USP18: variants seen among roughly 807,000 people sequenced by gnomAD.
The protein encoded by USP18 is ubl carboxyl-terminal hydrolase 18.
A neutral mutation model predicts 48.7 loss-of-function variants in USP18; 11 were observed. That is an observed-to-expected ratio of 0.23 (90% CI 0.14 to 0.37). The LOEUF (loss-of-function observed/expected upper bound fraction) is 0.37, where lower values mean the gene tolerates loss of function less well. Ranked by LOEUF, USP18 falls within the 10% of genes least tolerant of loss-of-function variation. The probability of loss-of-function intolerance (pLI) is 1.00; values close to 1 mark genes in which losing one functional copy is unlikely to be tolerated. For synonymous variants in USP18, 114 were observed against 163.2 expected (o/e 0.70, Z 2.30); for missense variants, 285 against 436.4 (o/e 0.65, Z 3.09).
chr22:18,168,729 G>A (rs1455969432), intron 6 of USP18, among the ~76,000 whole-genome samples: 1 of 151,978 alleles, frequency 6.6e-6, no homozygotes, highest in African/African-American at 2.4e-5. Flanking sequence ...CAGCCACACT[G>A]GGGATTCAGT....
At chr22:18,156,730 A>C (rs775121088) in intron 1 of USP18, among the ~76,000 whole-genome samples, 3 of 152,200 alleles carry the variant, frequency 2.0e-5, no homozygotes, top group Non-Finnish European at 2.9e-5. Flanking sequence ...ACCCACCAGA[A>C]GGAAGAAACT....
chr22:18,167,721 A>G (rs1280448856), intron 5 of USP18, among the ~76,000 whole-genome samples, 169 bp from the exon 6 acceptor site: 2 of 151,736 alleles, frequency 1.3e-5, no homozygotes, highest in Non-Finnish European at 2.9e-5. Context: ...AAAAAAAGAA[A>G]AAAGAGTTAA....
chr22:18,164,726 G>A (rs1287823807), intron 4 of USP18, among the ~76,000 whole-genome samples: 2 of 152,160 alleles, frequency 1.3e-5, no homozygotes, highest in Non-Finnish European at 2.9e-5. Context: ...TCACGTGCCC[G>A]TTTAAAACTG....
chr22:18,157,661 C>T lies in USP18; in HGVS notation c.-3C>T. 6.2e-7 allele frequency: 1 copy of T among 1,614,014 alleles called. No individual in the cohort carries two copies. The highest frequency in any genetic ancestry group is 8.5e-7 in the Non-Finnish European group (1 of 1,179,968). ...CGGCCTGGGGGTTTTGGAGTGATCACGAATGAGCAAGGCGTTTGGGCTCCT... is the reference window on the plus strand; with the variant it reads ...CGGCCTGGGGGTTTTGGAGTGATCATGAATGAGCAAGGCGTTTGGGCTCCT... On this transcript the variant is annotated 5_prime_UTR_variant, in exon 2 of 11. It adds an upstream start codon to the 5' untranslated region. Coordinates refer to ENST00000215794, the MANE Select transcript of USP18 (RefSeq NM_017414.4).
intron 1 of USP18, among the ~76,000 whole-genome samples, chr22:18,155,974 A>G (rs1351675491): frequency 6.6e-6 from 1 of 152,238 alleles, no homozygotes; most frequent in African/African-American, 2.4e-5. Flanking sequence ...GACTTGGAGA[A>G]TCTTTATGTC....
At chr22:18,168,065 C>A (rs767806273) in intron 6 of USP18, 29 bp downstream of exon 6, 8 of 1,612,274 alleles carry the variant, frequency 5.0e-6, no homozygotes, top group East Asian at 4.5e-5. Flanking sequence ...TATTTGCTGC[C>A]CCTGTATGTG....
At chr22:18,156,128 T>C (rs1008939350) in intron 1 of USP18, among the ~76,000 whole-genome samples, 19 of 152,198 alleles carry the variant, frequency 1.2e-4, no homozygotes, top group Admixed American at 9.8e-4. Flanking sequence ...GGTGGGGACT[T>C]GGAGAACCTT....
Position 18,160,188 on chromosome 22 carries a change from C to G in USP18, c.174C>G (p.His58Gln). Residue 58 changes from histidine to glutamine, a missense_variant, in exon 3 of 11, where the codon CAC becomes CAG. Transcript: ENST00000215794. Reference sequence around the variant, plus strand: ...CCCTTATAGGCCTGGTTGGTTTACACAACATTGGACAGACCTGCTGCCTTA... The same window carrying G: ...CCCTTATAGGCCTGGTTGGTTTACAGAACATTGGACAGACCTGCTGCCTTA... ...WDYPHGLVGL[H>Q]NIGQTCCLNS... 1.2e-6 allele frequency: 2 copies of G among 1,614,148 alleles called. No individual in the cohort carries two copies. Among genetic ancestry groups the G allele is most frequent in the Non-Finnish European group, 1.7e-6 (2 of 1,180,008 alleles).
intron 1 of USP18, among the ~76,000 whole-genome samples, chr22:18,156,005 T>C (rs1273466594): frequency 6.6e-6 from 1 of 152,208 alleles, no homozygotes; most frequent in Non-Finnish European, 1.5e-5. Flanking sequence ...ATTGTAAATA[T>C]ACCAATCGGC....
chr22:18,163,747 C>T (rs2401509), intron 4 of USP18, among the ~76,000 whole-genome samples: 3,556 of 152,278 alleles, frequency 0.023, 154 homozygotes, highest in African/African-American at 0.081. Flanking sequence ...TTAGCCCTGC[C>T]GGACACTCGG....
chr22:18,168,171 A>T, intron 6 of USP18, 135 bp downstream of exon 6: 1 of 1,420,078 alleles, frequency 7.0e-7, no homozygotes, highest in Non-Finnish European at 9.5e-7. Context: ...GAGGGGCTGC[A>T]CCTGGTGAGG....
intron 4 of USP18, among the ~76,000 whole-genome samples, chr22:18,164,449 T>C (rs1037837720): frequency 1.3e-5 from 2 of 152,074 alleles, no homozygotes; most frequent in Admixed American, 6.5e-5. Flanking sequence ...GGGGTAAATG[T>C]GTACTCAATG....
intron 1 of USP18, among the ~76,000 whole-genome samples, chr22:18,152,328 G>A (rs1929020922): frequency 6.6e-6 from 1 of 152,020 alleles, no homozygotes; most frequent in African/African-American, 2.4e-5. Context: ...TGGCTCTTCT[G>A]GGGCTTCTCT....
chr22:18,154,852 T>C (rs1156928136), intron 1 of USP18, among the ~76,000 whole-genome samples: 1 of 152,218 alleles, frequency 6.6e-6, no homozygotes, highest in African/African-American at 2.4e-5. Context: ...TGTCTGTGCA[T>C]TGACATAGGT....
At chr22:18,169,027 AG>A (rs1285048284) in intron 6 of USP18, among the ~76,000 whole-genome samples, 4 of 151,988 alleles carry the variant, frequency 2.6e-5, no homozygotes, top group South Asian at 4.1e-4. Context: ...CCAGGCATTA[AG>A]GGGGATATGA....
intron 8 of USP18, among the ~76,000 whole-genome samples, chr22:18,172,625 C>A (rs569150847): frequency 6.6e-6 from 1 of 150,858 alleles, no homozygotes; most frequent in African/African-American, 2.4e-5. Context: ...CCTTTTATTT[C>A]TTGTAAACTA....
chr22:18,157,916 C>T, intron 2 of USP18, 96 bp downstream of exon 2: 6 of 1,501,960 alleles, frequency 4.0e-6, no homozygotes, highest in Admixed American at 1.9e-5. Flanking sequence ...TATTCGACGG[C>T]TCATGCTTTC....
chr22:18,168,679 G>A (rs1569211929), intron 6 of USP18, among the ~76,000 whole-genome samples: 1 of 152,050 alleles, frequency 6.6e-6, no homozygotes. Context: ...GAGCCACCTT[G>A]CCCTCCCCAA....
intron 4 of USP18, among the ~76,000 whole-genome samples, chr22:18,162,159 T>C (rs1371166817): frequency 1.3e-5 from 2 of 152,158 alleles, no homozygotes; most frequent in Non-Finnish European, 2.9e-5. Flanking sequence ...TTTCTCTGCC[T>C]CTCAGTAGAG....
Sources: gnomAD v4.1 joint callset for allele counts (sites outside exome capture counted in the v4.1 genomes callset) on GRCh38, gnomAD v4.1.1 for gene constraint, MANE v1.5 for transcripts, NCBI Gene and HGNC (gene_info 2026-07-23, HGNC 2026-07-21) for gene names.